Variants in OTUD7A observed in about 807,000 individuals in gnomAD.
OTUD7A encodes the protein OTU deubiquitinase 7A, also known as OTU domain-containing protein 7A.
Under a neutral mutation model 65.7 loss-of-function variants are expected in OTUD7A, and 12 were observed. The observed-to-expected ratio is 0.18, with a 90% CI of 0.12 to 0.30. OTUD7A has a LOEUF of 0.30. Ranked by LOEUF, OTUD7A falls within the 10% of genes least tolerant of loss-of-function variation. The probability of loss-of-function intolerance (pLI) is 1.00; values close to 1 mark genes in which losing one functional copy is unlikely to be tolerated. For synonymous variants in OTUD7A, 641 were observed against 586.3 expected, an observed-to-expected ratio of 1.09 and a Z score of -1.35; for missense variants, 1,148 against 1,304.8, an observed-to-expected ratio of 0.88 and a Z score of 1.85.
At chr15:31,613,997 G>A (rs1010870734) in intron 3 of OTUD7A, among the ~76,000 whole-genome samples, 16 of 152,138 alleles carry the variant, frequency 1.1e-4, no homozygotes, top group African/African-American at 3.1e-4. Context: ...AAAGGCATTC[G>A]CAGCAACCTG....
At chr15:31,618,951 A>G (rs906561294) in intron 3 of OTUD7A, among the ~76,000 whole-genome samples, 1 of 152,192 alleles carries the variant, frequency 6.6e-6, no homozygotes, top group East Asian at 1.9e-4. Flanking sequence ...TAATTTTTGT[A>G]TAAGGTGTAA....
At chr15:31,581,633 C>T (rs1889374943) in intron 3 of OTUD7A, among the ~76,000 whole-genome samples, 1 of 152,254 alleles carries the variant, frequency 6.6e-6, no homozygotes, top group Non-Finnish European at 1.5e-5. Context: ...CTTGCACCCT[C>T]TGAAGCAGTG....
At chr15:31,541,554 T>C (rs1176574876) in intron 5 of OTUD7A, among the ~76,000 whole-genome samples, 1 of 152,046 alleles carries the variant, frequency 6.6e-6, no homozygotes, top group Non-Finnish European at 1.5e-5. Context: ...GGGCACAGAT[T>C]TAAAGAGGAA....
chr15:31,866,692 T>C (rs1289934525), intron 1 of OTUD7A, among the ~76,000 whole-genome samples: 1 of 152,218 alleles, frequency 6.6e-6, no homozygotes, highest in Admixed American at 6.5e-5. Flanking sequence ...CAGCATATCT[T>C]ATTCCCATTT....
chr15:31,483,720 C>T lies in OTUD7A; in HGVS notation c.2376G>A (p.Ala792=). Residue 792 remains alanine (A), a synonymous_variant, in exon 13 of 13, where the codon GCG becomes GCA. Transcript: ENST00000307050. ...QASGARDEAC[A]PAVGALRPCA... ...ACGGCCGCAGCGCCCCCACGGCCGG[C>T]GCGCACGCCTCGTCCCGCGCGCCCG... 5.3e-6 allele frequency: 6 copies of T among 1,134,908 alleles called. No homozygotes were observed. The highest frequency in any genetic ancestry group is 5.4e-6 in the Non-Finnish European group (5 of 927,990). 70.3% of individuals were successfully genotyped at this position (1,134,908 alleles called of 1,614,324 possible).
intron 3 of OTUD7A, among the ~76,000 whole-genome samples, chr15:31,575,373 T>C (rs1287783479): frequency 1.3e-5 from 2 of 152,104 alleles, no homozygotes; most frequent in Admixed American, 6.5e-5. Flanking sequence ...ACAGAAGATA[T>C]AAGAGGTATG....
chr15:31,644,042 C>G (rs888922449), intron 3 of OTUD7A, among the ~76,000 whole-genome samples: 1 of 152,074 alleles, frequency 6.6e-6, no homozygotes, highest in Non-Finnish European at 1.5e-5. Flanking sequence ...CTCCACCTCC[C>G]CCTTTGAAGC....
rs1434073127 is a variant in OTUD7A at position 31,802,135 on chromosome 15, G to GTATATA, written c.-100+68371_-100+68372insTATATA. On this transcript the variant is annotated intron_variant, in intron 1 of 12. Transcript: ENST00000307050. ...TGTGTGTGTGTGTGTGTGTGTGTGTGTGTGTGTATATATATATATGTAAAG... is the reference window on the plus strand; with the variant it reads ...TGTGTGTGTGTGTGTGTGTGTGTGTGTATATATGTGTGTATATATATATATGTAAAG... Among the ~76,000 whole-genome samples, 473 of 123,936 alleles carry GTATATA rather than the reference G, an allele frequency of 3.8e-3. 2 individuals are homozygous for GTATATA. Among genetic ancestry groups the GTATATA allele is most frequent in the African/African-American group, 0.014 (452 of 32,746 alleles). 81.3% of individuals were successfully genotyped at this position (123,936 alleles called of 152,430 possible). A position where few individuals can be genotyped will look rare whatever the true frequency, so the allele number is the denominator to read the frequency against.
chr15:31,590,525 A>G (rs1383257691), intron 3 of OTUD7A, among the ~76,000 whole-genome samples: 1 of 152,254 alleles, frequency 6.6e-6, no homozygotes, highest in Non-Finnish European at 1.5e-5. Flanking sequence ...CCTTACACAC[A>G]CACATACATA....
chr15:31,829,319 A>G (rs1418090320), intron 1 of OTUD7A, among the ~76,000 whole-genome samples: 1 of 152,170 alleles, frequency 6.6e-6, no homozygotes, highest in Non-Finnish European at 1.5e-5. Context: ...ATGGTAAGGA[A>G]CAGGTTCCAG....
At chr15:31,670,730 G>A (rs1191259357) in intron 1 of OTUD7A, among the ~76,000 whole-genome samples, 5 of 152,040 alleles carry the variant, frequency 3.3e-5, no homozygotes, top group African/African-American at 4.8e-5. Context: ...GGTGGCTCAC[G>A]CCTGTAATCC....
At chr15:31,760,439 C>T (rs2140902802) in intron 1 of OTUD7A, among the ~76,000 whole-genome samples, 1 of 152,318 alleles carries the variant, frequency 6.6e-6, no homozygotes, top group East Asian at 1.9e-4. Flanking sequence ...CTCTCTGTCA[C>T]CAAATGCTCA....
chr15:31,761,012 G>A (rs913155479), intron 1 of OTUD7A, among the ~76,000 whole-genome samples: 2 of 151,928 alleles, frequency 1.3e-5, no homozygotes, highest in African/African-American at 4.8e-5. Flanking sequence ...ACTTCACACT[G>A]TACACAAAAA....
At chr15:31,854,190 C>T (rs1475317085) in intron 1 of OTUD7A, among the ~76,000 whole-genome samples, 2 of 152,168 alleles carry the variant, frequency 1.3e-5, no homozygotes, top group South Asian at 4.1e-4. Flanking sequence ...TTTTTAGAGG[C>T]TGCCCTCATT....
In OTUD7A at chr15:31,503,683, G is replaced by A; in HGVS notation, c.1021+8C>T. 6.2e-7 allele frequency: 1 copy of A among 1,614,150 alleles called. No individual in the cohort carries two copies. Among genetic ancestry groups the A allele is most frequent in the Non-Finnish European group, 8.5e-7 (1 of 1,180,026 alleles). On this transcript the variant is annotated splice_region_variant and intron_variant, in intron 9 of 12. Coordinates refer to ENST00000307050, the MANE Select transcript of OTUD7A (RefSeq NM_001382637.1). ...CATGAATACAACACATCTCTTTGAG[G>A]AACTTACCTTCTCCACCTGAGTCTC...
Position 31,772,183 on chromosome 15 carries a change from C to A in OTUD7A, c.-100+98324G>T, listed in dbSNP as rs1216505340. Among the ~76,000 whole-genome samples, 3 of 142,912 alleles carry A rather than the reference C, an allele frequency of 2.1e-5. No individual in the cohort carries two copies. The Admixed American group carries it at 2.2e-4, about 10-fold the overall frequency. The allele number at this position is 142,912 out of a possible 152,430, so 93.8% of individuals were successfully genotyped here. ...AGGAGAATGGCGTGAACCCGGGAGG[C>A]GGAGCTTGCAGTGAGCCGAGATCCC... On this transcript the variant is annotated intron_variant, in intron 1 of 12. Transcript: ENST00000307050.
At chr15:31,748,161 T>A (rs1363426518) in intron 1 of OTUD7A, among the ~76,000 whole-genome samples, 1 of 151,690 alleles carries the variant, frequency 6.6e-6, no homozygotes, top group Non-Finnish European at 1.5e-5. Flanking sequence ...GTAGATTAGA[T>A]ACTAGAATTG....
chr15:31,656,023 T>G (rs746681667), intron 2 of OTUD7A, among the ~76,000 whole-genome samples: 1 of 152,196 alleles, frequency 6.6e-6, no homozygotes, highest in Non-Finnish European at 1.5e-5. Flanking sequence ...TAATCCACAG[T>G]TGACGGAAAT....
chr15:31,565,426 T>C (rs1206642268), intron 4 of OTUD7A, among the ~76,000 whole-genome samples: 1 of 152,216 alleles, frequency 6.6e-6, no homozygotes, highest in East Asian at 1.9e-4. Context: ...GAGTTTCTTT[T>C]TTCCATGCTT....
Sources: allele counts gnomAD v4.1 joint callset (sites outside exome capture counted in the v4.1 genomes callset), GRCh38; gene constraint gnomAD v4.1.1; transcripts MANE v1.5; gene names NCBI Gene and HGNC (gene_info 2026-07-23, HGNC 2026-07-21).